The following GTF2E2 variants were observed in gnomAD, a reference collection of about 807,000 sequenced individuals.
GTF2E2 encodes general transcription factor IIE subunit 2, also known as transcription initiation factor IIE subunit beta.
A neutral mutation model predicts 40.5 loss-of-function variants in GTF2E2; 21 were observed. That is an observed-to-expected ratio of 0.52 (90% CI 0.37 to 0.75). The LOEUF (loss-of-function observed/expected upper bound fraction) is 0.75. GTF2E2 is among the 30% of genes least tolerant of loss of function. GTF2E2 has a pLI of 0.00. For synonymous variants in GTF2E2, 117 were observed against 121.6 expected (o/e 0.96, Z 0.25); for missense variants, 298 against 338.4 (o/e 0.88, Z 0.94).
chr8:30,644,558 C>T (rs1801990394), intron 2 of GTF2E2: 1 of 152,078 alleles, frequency 6.6e-6, no homozygotes, highest in African/African-American at 2.4e-5. Flanking sequence ...GACAGAAATA[C>T]ACTGAACCAA....
intron 4 of GTF2E2, among the ~76,000 whole-genome samples, chr8:30,614,145 C>T (rs1425106260): frequency 6.6e-6 from 1 of 152,150 alleles, no homozygotes; most frequent in Non-Finnish European, 1.5e-5. Context: ...CAAAGTCTTA[C>T]CTTTAACATT....
intron 2 of GTF2E2, chr8:30,645,541 A>C (rs1802039043): frequency 6.5e-7 from 1 of 1,535,702 alleles, no homozygotes; most frequent in African/African-American, 1.4e-5. Flanking sequence ...AAGTGAACCC[A>C]ACCCTCTTAG....
chr8:30,578,900 G>T lies in GTF2E2; in HGVS notation c.*21C>A. 8.5e-7 allele frequency: 1 copy of T among 1,177,682 alleles called. No individual in the cohort carries two copies. The highest frequency in any genetic ancestry group is 1.3e-6 in the Non-Finnish European group (1 of 781,130). The allele number at this position is 1,177,682 out of a possible 1,614,324, so 73.0% of individuals were successfully genotyped here. On this transcript the variant is annotated 3_prime_UTR_variant, in exon 8 of 8. Transcript: ENST00000355904. ...CTCTTGATTGTGTATCTGTAACTCT[G>T]TTCCAGGGCAAAACTGTTCCCTATT...
At chr8:30,619,855 T>C (rs1349691996) in intron 3 of GTF2E2, among the ~76,000 whole-genome samples, 1 of 152,004 alleles carries the variant, frequency 6.6e-6, no homozygotes, top group Non-Finnish European at 1.5e-5. Flanking sequence ...TTACCTTGCA[T>C]GACAAAAGGG....
intron 1 of GTF2E2, chr8:30,657,491 G>C (rs568526925): frequency 8.5e-5 from 13 of 152,350 alleles, no homozygotes; most frequent in African/African-American, 2.9e-4. Context: ...ACGGAAGTGG[G>C]GAGGTGGGCG....
Position 30,658,091 on chromosome 8 carries a change from CCGCA to C in GTF2E2, c.-127_-124del, listed in dbSNP as rs1802502686. On this transcript the variant is annotated 5_prime_UTR_variant, in exon 1 of 8. Coordinates refer to ENST00000355904, the MANE Select transcript of GTF2E2 (RefSeq NM_002095.6). ...GCTTCTCGTCAGCGCCCCCGCCTGC[CCGCA>C]CGCACGCCCAGCGCTGACCCGCCAG... 6.2e-6 allele frequency: 1 copy of C among 162,206 alleles called. No individual in the cohort carries two copies. The highest frequency in any genetic ancestry group is 1.3e-5 in the Non-Finnish European group (1 of 74,498). The allele number at this position is 162,206 out of a possible 1,614,324, so 10.0% of individuals were successfully genotyped here. A position where few individuals can be genotyped will look rare whatever the true frequency, so the allele number is the denominator to read the frequency against.
chr8:30,636,625 T>C (rs1176445078), intron 2 of GTF2E2, among the ~76,000 whole-genome samples: 1 of 152,188 alleles, frequency 6.6e-6, no homozygotes, highest in Non-Finnish European at 1.5e-5. Context: ...GCCTTACAGT[T>C]GGGAAGCCCA....
intron 6 of GTF2E2, among the ~76,000 whole-genome samples, chr8:30,596,657 T>C (rs748927602): frequency 2.0e-5 from 3 of 151,846 alleles, no homozygotes; most frequent in East Asian, 1.9e-4. Flanking sequence ...CCTGTCTCAA[T>C]AGTGTGTTGT....
intron 6 of GTF2E2, among the ~76,000 whole-genome samples, chr8:30,600,591 T>C (rs1352580485): frequency 6.6e-6 from 1 of 152,036 alleles, no homozygotes; most frequent in Non-Finnish European, 1.5e-5. Context: ...AATCTTTTTT[T>C]AGAGTAAAAA....
chr8:30,610,482 T>C (rs1829450203), intron 5 of GTF2E2, among the ~76,000 whole-genome samples: 3 of 146,252 alleles, frequency 2.1e-5, no homozygotes, highest in South Asian at 2.2e-4. Context: ...AATCAAAACA[T>C]TGTAGTGCTG....
At chr8:30,634,278 T>C (rs1010642086) in intron 3 of GTF2E2, among the ~76,000 whole-genome samples, 1 of 152,080 alleles carries the variant, frequency 6.6e-6, no homozygotes, top group Non-Finnish European at 1.5e-5. Context: ...TGAGACTTCG[T>C]CTCTTCTAAA....
chr8:30,642,234 T>C (rs1244217460), intron 2 of GTF2E2, among the ~76,000 whole-genome samples: 5 of 149,838 alleles, frequency 3.3e-5, no homozygotes, highest in African/African-American at 1.2e-4. Context: ...CTGATTTAAC[T>C]AGATGTGTTA....
chr8:30,636,757 T>C (rs1046250082), intron 2 of GTF2E2, among the ~76,000 whole-genome samples: 3 of 151,856 alleles, frequency 2.0e-5, no homozygotes, highest in African/African-American at 7.3e-5. Context: ...TCTCAGCTAC[T>C]TGGGAGAATC....
chr8:30,640,902 G>A (rs1801797206), intron 2 of GTF2E2, among the ~76,000 whole-genome samples: 1 of 152,122 alleles, frequency 6.6e-6, no homozygotes, highest in Admixed American at 6.5e-5. Context: ...ACGGAGTTTC[G>A]CCATGTTGGT....
intron 6 of GTF2E2, among the ~76,000 whole-genome samples, chr8:30,594,368 C>T (rs890089621): frequency 6.6e-6 from 1 of 151,830 alleles, no homozygotes; most frequent in Non-Finnish European, 1.5e-5. Context: ...AGCAATTCTA[C>T]TGCCTCAGCC....
intron 1 of GTF2E2, among the ~76,000 whole-genome samples, chr8:30,654,742 C>T (rs563653237): frequency 1.3e-5 from 2 of 152,242 alleles, no homozygotes; most frequent in South Asian, 4.1e-4. Context: ...TCACACTTCC[C>T]ACTCCCATTA....
At chr8:30,604,216 A>G (rs917857347) in intron 6 of GTF2E2, among the ~76,000 whole-genome samples, 1 of 152,264 alleles carries the variant, frequency 6.6e-6, no homozygotes, top group Non-Finnish European at 1.5e-5. Context: ...ACCATACTGA[A>G]ACAATTGTCC....
chr8:30,645,699 T>C (rs1309113938), intron 2 of GTF2E2: 19 of 1,187,790 alleles, frequency 1.6e-5, no homozygotes, highest in South Asian at 8.1e-5. Flanking sequence ...AAATTCTGAC[T>C]GAATGGTTAA....
chr8:30,648,713 G>A (rs554135056), intron 2 of GTF2E2, among the ~76,000 whole-genome samples: 13 of 152,286 alleles, frequency 8.5e-5, no homozygotes, highest in Non-Finnish European at 1.6e-4. Flanking sequence ...ACAAACATTT[G>A]AGCTTCCAGC....
Sources: allele counts gnomAD v4.1 joint callset (sites outside exome capture counted in the v4.1 genomes callset), GRCh38; gene constraint gnomAD v4.1.1; transcripts MANE v1.5; gene names NCBI Gene and HGNC (gene_info 2026-07-23, HGNC 2026-07-21).